WDHD1: variants seen among roughly 807,000 people sequenced by gnomAD.
WDHD1 encodes the protein WD repeat and HMG-box DNA-binding protein 1.
A neutral mutation model predicts 135.4 loss-of-function variants in WDHD1; 111 were observed. That is an observed-to-expected ratio of 0.82 (90% CI 0.70 to 0.96). The LOEUF (loss-of-function observed/expected upper bound fraction) is 0.96, where lower values mean the gene tolerates loss of function less well. WDHD1 is among the 40% of genes least tolerant of loss of function. WDHD1 has a pLI of 0.00. For synonymous variants in WDHD1, 434 were observed against 439.0 expected, an observed-to-expected ratio of 0.99 and a Z score of 0.14; for missense variants, 1,351 against 1,336.3, an observed-to-expected ratio of 1.01 and a Z score of -0.17.
intron 25 of WDHD1, among the ~76,000 whole-genome samples, chr14:54,942,751 T>C (rs531997617): frequency 2.4e-4 from 37 of 152,318 alleles, no homozygotes; most frequent in African/African-American, 8.9e-4. Flanking sequence ...TCCTACTTTA[T>C]TTCCCTGGCC....
intron 18 of WDHD1, among the ~76,000 whole-genome samples, chr14:54,964,192 T>G (rs1478409538): frequency 6.6e-6 from 1 of 152,224 alleles, no homozygotes; most frequent in Non-Finnish European, 1.5e-5. Flanking sequence ...CATAGTGTAT[T>G]AGAACTATTT....
chr14:55,023,676 G>A (rs767142111), intron 2 of WDHD1, among the ~76,000 whole-genome samples: 28 of 152,184 alleles, frequency 1.8e-4, no homozygotes, highest in Non-Finnish European at 3.7e-4. Flanking sequence ...ATTTACTGGA[G>A]AGACAAACTG....
intron 24 of WDHD1, among the ~76,000 whole-genome samples, chr14:54,954,112 T>A (rs1417680311): frequency 1.4e-5 from 2 of 146,396 alleles, no homozygotes. Flanking sequence ...TTAAAAGTAT[T>A]TAAAAAAAAA....
intron 2 of WDHD1, 142 bp from the exon 3 acceptor site, chr14:55,013,738 T>G (rs1021562105): frequency 4.9e-6 from 3 of 608,014 alleles, no homozygotes; most frequent in Non-Finnish European, 8.6e-6. Context: ...AGACCTAGTC[T>G]CTACAAAAAA....
At chr14:54,959,171 T>G (rs941227750) in intron 21 of WDHD1, among the ~76,000 whole-genome samples, 2 of 151,684 alleles carry the variant, frequency 1.3e-5, no homozygotes, top group African/African-American at 2.4e-5. Context: ...AGTTTAAGAC[T>G]AGCATGGGTA....
intron 24 of WDHD1, among the ~76,000 whole-genome samples, chr14:54,948,582 T>C (rs970089451): frequency 1.1e-4 from 17 of 152,216 alleles, no homozygotes; most frequent in Admixed American, 4.6e-4. Flanking sequence ...GGGCAGGGCA[T>C]AGCCGAACAA....
intron 25 of WDHD1, among the ~76,000 whole-genome samples, chr14:54,943,688 G>A (rs1394890993): frequency 2.0e-5 from 3 of 152,184 alleles, no homozygotes; most frequent in Non-Finnish European, 2.9e-5. Context: ...TTGAGCCAAC[G>A]AACTCAGCTT....
intron 10 of WDHD1, among the ~76,000 whole-genome samples, chr14:54,996,814 G>A (rs2041887331): frequency 6.6e-6 from 1 of 152,076 alleles, no homozygotes; most frequent in Non-Finnish European, 1.5e-5. Flanking sequence ...TTTTGACAGA[G>A]TGGAGTCTCG....
At chr14:54,975,249 T>C (rs2041506602) in intron 16 of WDHD1, among the ~76,000 whole-genome samples, 1 of 152,146 alleles carries the variant, frequency 6.6e-6, no homozygotes. Context: ...ACCAGTAGTG[T>C]CATGAAAAAA....
intron 12 of WDHD1, among the ~76,000 whole-genome samples, chr14:54,990,409 A>C (rs2041765756): frequency 1.3e-5 from 2 of 152,122 alleles, no homozygotes; most frequent in South Asian, 4.1e-4. Flanking sequence ...CATCCTGTCT[A>C]ACATGGTGAA....
rs1396097355 is a variant in WDHD1, at chr14:55,008,347, C to T, written c.473G>A (p.Gly158Glu). Residue 158 changes from glycine (G) to glutamate (E), a missense_variant, in exon 6 of 26, where the codon GGA becomes GAA. Transcript: ENST00000360586. ...DIFLASASCD[G>E]SVRVWQISDQ... ...TGAAATTTGCCACACTCTGACAGAT[C>T]CATCACAACTAGCTGATGCCTGCAG... The T allele has an allele frequency of 6.2e-7, 1 of 1,613,542 alleles. No homozygotes were observed. The highest frequency in any genetic ancestry group is 8.5e-7 in the Non-Finnish European group (1 of 1,179,710).
In WDHD1 at chr14:54,987,371, G is replaced by A. The variant is rs1478269101; in HGVS notation, c.1543C>T (p.His515Tyr). 2 of 1,612,822 alleles carry A rather than the reference G, an allele frequency of 1.2e-6. No homozygotes were observed. Among genetic ancestry groups the A allele is most frequent in the Non-Finnish European group, 1.7e-6 (2 of 1,179,584 alleles). ...TTGCTTGAATCCCAAGAACTAAAGT[G>A]CAGGCAGTGAAGCTTGCTAAAAATT... ...DELASKLHCL[H>Y]FSSWDSSKEW... is the part of the protein sequence containing the mutation. The change falls in exon 14 of 26, where the codon CAC becomes TAC. Residue 515 changes from histidine to tyrosine, a missense_variant. His to Tyr is a moderately conservative substitution (Grantham distance 83, BLOSUM62 2). This residue lies in a region of WDHD1 where 1,330 missense variants were observed against 1,296.1 expected (regional missense o/e 1.03). Coordinates refer to ENST00000360586, the MANE Select transcript of WDHD1 (RefSeq NM_007086.4).
intron 2 of WDHD1, among the ~76,000 whole-genome samples, chr14:55,021,681 C>G (rs1345326253): frequency 6.6e-6 from 1 of 152,164 alleles, no homozygotes; most frequent in African/African-American, 2.4e-5. Context: ...CCACCGCGCC[C>G]AGCCATGTCT....
Position 55,000,749 on chromosome 14 carries a change from T to C in WDHD1, c.801-105A>G, listed in dbSNP as rs547542442. On this transcript the variant is annotated intron_variant, in intron 9 of 25. Coordinates refer to ENST00000360586, the MANE Select transcript of WDHD1 (RefSeq NM_007086.4). ...GGAAAGAATAAATGACTTTTGACAATAATTTATAAATAATATAAATTTAAT... is the reference window on the plus strand; with the variant it reads ...GGAAAGAATAAATGACTTTTGACAACAATTTATAAATAATATAAATTTAAT... The C allele has an allele frequency of 2.8e-6, 3 of 1,076,914 alleles. No individual in the cohort carries two copies. In the South Asian group the frequency reaches 1.1e-4, roughly 39 times the overall value. 66.7% of individuals were successfully genotyped at this position (1,076,914 alleles called of 1,614,324 possible). A position where few individuals can be genotyped will look rare whatever the true frequency, so the allele number is the denominator to read the frequency against.
chr14:54,941,936 A>G (rs770543854), intron 25 of WDHD1, among the ~76,000 whole-genome samples: 55 of 152,118 alleles, frequency 3.6e-4, no homozygotes, highest in Non-Finnish European at 6.9e-4. Context: ...GCAAAATACT[A>G]TAATTGCAGT....
chr14:54,963,191 GGGGGGGGA>G lies in WDHD1; in HGVS notation c.2311-27_2311-20del. The G allele has an allele frequency of 1.2e-6, 1 of 863,040 alleles. No homozygotes were observed. The highest frequency in any genetic ancestry group is 1.7e-6 in the Non-Finnish European group (1 of 571,788). The allele number at this position is 863,040 out of a possible 1,614,324, so 53.5% of individuals were successfully genotyped here. On this transcript the variant is annotated intron_variant, in intron 18 of 25. Coordinates refer to ENST00000360586, the MANE Select transcript of WDHD1 (RefSeq NM_007086.4). Reference sequence around the variant, plus strand: ...AAGAAAGCTAATCCAAAAAGGGGGGGGGGGGGGAGATCAAATAACATCAAGTAAAACTT... The same window carrying G: ...AAGAAAGCTAATCCAAAAAGGGGGGGGATCAAATAACATCAAGTAAAACTT...
intron 7 of WDHD1, chr14:55,005,399 G>A (rs2042048777): frequency 3.5e-6 from 2 of 568,386 alleles, no homozygotes; most frequent in East Asian, 4.5e-5. Flanking sequence ...AGCAACTGGA[G>A]TGACTCCAGT....
chr14:54,963,348 T>C (rs750848674), intron 18 of WDHD1, among the ~76,000 whole-genome samples, 176 bp from the exon 19 acceptor site: 43 of 152,144 alleles, frequency 2.8e-4, no homozygotes, highest in Admixed American at 2.6e-4. Context: ...TACAATTAAT[T>C]ACAATTAATG....
chr14:55,009,859 C>T (rs191102711), intron 4 of WDHD1, among the ~76,000 whole-genome samples: 23 of 152,156 alleles, frequency 1.5e-4, no homozygotes, highest in Admixed American at 1.3e-3. Context: ...CTCACTCTGT[C>T]GCCTAGGCTG....
Sources: gnomAD v4.1 joint callset for allele counts (sites outside exome capture counted in the v4.1 genomes callset) on GRCh38, gnomAD v4.1.1 for gene constraint, gnomAD v4.1.1 regional missense constraint, MANE v1.5 for transcripts, NCBI Gene and HGNC (gene_info 2026-07-23, HGNC 2026-07-21) for gene names.